The following MSR1 variants were observed in gnomAD, a reference collection of about 807,000 sequenced individuals.
The protein encoded by MSR1 is macrophage scavenger receptor types I and II.
In MSR1, 53 loss-of-function variants were observed where a neutral mutation model predicts 47.2. The ratio of observed to expected loss-of-function variants is 1.12; its 90% confidence interval spans 0.90 to 1.41. MSR1 has a LOEUF of 1.41. Ranked by LOEUF, MSR1 falls within the 40% of genes most tolerant of loss-of-function variation. The pLI is 0.00. For missense variants in MSR1, 786 were observed against 546.9 expected (o/e 1.44, Z -4.36); for synonymous variants, 239 against 185.6 (o/e 1.29, Z -2.34).
intron 8 of MSR1, among the ~76,000 whole-genome samples, chr8:16,134,130 T>A (rs1289734009): frequency 2.0e-5 from 3 of 152,200 alleles, no homozygotes; most frequent in Admixed American, 6.5e-5. Flanking sequence ...AAACTTTTCA[T>A]AAAGTATCGG....
At chr8:16,141,015 G>T in intron 8 of MSR1, 1 of 1,613,686 alleles carries the variant, frequency 6.2e-7, no homozygotes, top group Non-Finnish European at 8.5e-7. Context: ...AGAGGGCCCT[G>T]CCCTAATATG....
At chr8:16,175,540 T>C (rs1412311118) in intron 2 of MSR1, among the ~76,000 whole-genome samples, 1 of 152,220 alleles carries the variant, frequency 6.6e-6, no homozygotes, top group African/African-American at 2.4e-5. Context: ...AGAAAGTTAC[T>C]GTGCTCTACA....
intron 8 of MSR1, chr8:16,140,917 G>C (rs1295650857): frequency 1.6e-5 from 25 of 1,611,114 alleles, no homozygotes; most frequent in Non-Finnish European, 2.0e-5. Context: ...GATCTTGGAA[G>C]TCAGTTGTGC....
intron 9 of MSR1, among the ~76,000 whole-genome samples, chr8:16,116,451 G>A (rs1327124907): frequency 2.0e-5 from 3 of 152,054 alleles, no homozygotes; most frequent in South Asian, 2.1e-4. Flanking sequence ...ACAATGTATA[G>A]AATCACCAAC....
chr8:16,140,495 G>A, intron 8 of MSR1: 2 of 991,116 alleles, frequency 2.0e-6, no homozygotes, highest in Non-Finnish European at 1.2e-6. Context: ...GCAAAGCATG[G>A]CGAGAAATAC....
At chr8:16,138,284 G>T (rs1034785188) in intron 8 of MSR1, among the ~76,000 whole-genome samples, 13 of 152,142 alleles carry the variant, frequency 8.5e-5, no homozygotes, top group Non-Finnish European at 1.5e-4. Context: ...CACAAGTGTT[G>T]TATTGTATGG....
chr8:16,151,498 T>C (rs546531193), intron 6 of MSR1, among the ~76,000 whole-genome samples: 1 of 152,250 alleles, frequency 6.6e-6, no homozygotes, highest in Non-Finnish European at 1.5e-5. Context: ...GTCCCCAAAA[T>C]GTAAGCACAG....
chr8:16,142,245 C>A (rs1800578035), intron 8 of MSR1, among the ~76,000 whole-genome samples: 1 of 152,062 alleles, frequency 6.6e-6, no homozygotes, highest in African/African-American at 2.4e-5. Context: ...GGAGAAGAAT[C>A]ATTTCAACCC....
At chr8:16,169,824 C>G (rs2117186401) in intron 3 of MSR1, among the ~76,000 whole-genome samples, 1 of 151,674 alleles carries the variant, frequency 6.6e-6, no homozygotes, top group African/African-American at 2.4e-5. Flanking sequence ...TTTAGTTTGC[C>G]TCTGTTTTCA....
At chr8:16,158,893 T>C (rs1801084360) in intron 5 of MSR1, among the ~76,000 whole-genome samples, 1 of 151,434 alleles carries the variant, frequency 6.6e-6, no homozygotes. Context: ...ACATAGTGGT[T>C]AGACAAACTC....
intron 7 of MSR1, among the ~76,000 whole-genome samples, chr8:16,146,358 ATCCT>A (rs1192705153): frequency 6.6e-6 from 1 of 151,758 alleles, no homozygotes; most frequent in Non-Finnish European, 1.5e-5. Context: ...TGGTACTCAG[ATCCT>A]TCCTTCAAAG....
chr8:16,162,608 G>A (rs534753086), intron 5 of MSR1, among the ~76,000 whole-genome samples: 7 of 152,138 alleles, frequency 4.6e-5, no homozygotes, highest in African/African-American at 1.4e-4. Context: ...TACGTTGCAA[G>A]GAGGCAATGA....
In MSR1 at chr8:16,120,411, A is replaced by C; in HGVS notation, c.1222+7T>G. 1 of 1,613,524 alleles carries C rather than the reference A, an allele frequency of 6.2e-7. No homozygotes were observed. Among genetic ancestry groups the C allele is most frequent in the South Asian group, 1.1e-5 (1 of 91,058 alleles). On this transcript the variant is annotated splice_region_variant and intron_variant, in intron 9 of 9. Transcript: ENST00000262101. ...CAACAAACCTCACAAGATTTTCTTT[A>C]AATTACCTTGTCCAAAGTGAGCTGC... is the stretch of plus-strand genomic sequence containing the variant.
chr8:16,122,624 C>T (rs1290029017), intron 8 of MSR1, among the ~76,000 whole-genome samples: 5 of 152,072 alleles, frequency 3.3e-5, no homozygotes, highest in Non-Finnish European at 7.4e-5. Flanking sequence ...CTCCCAACAG[C>T]TAATTCTGTT....
intron 9 of MSR1, among the ~76,000 whole-genome samples, chr8:16,119,349 C>G (rs911622512): frequency 6.6e-5 from 10 of 151,908 alleles, no homozygotes; most frequent in African/African-American, 2.4e-4. Context: ...CCTCAGCCTC[C>G]AAAGTAGCTG....
At chr8:16,182,003 G>A (rs1801847301) in intron 1 of MSR1, among the ~76,000 whole-genome samples, 1 of 152,086 alleles carries the variant, frequency 6.6e-6, no homozygotes, top group Non-Finnish European at 1.5e-5. Flanking sequence ...ATGGCTGTGT[G>A]AACATCATAG....
At chr8:16,122,397 A>G (rs537232293) in intron 8 of MSR1, among the ~76,000 whole-genome samples, 2 of 152,300 alleles carry the variant, frequency 1.3e-5, no homozygotes, top group South Asian at 2.1e-4. Flanking sequence ...AGTCAAATAT[A>G]TCCAAACATA....
chr8:16,174,718 G>C (rs1801589368), intron 3 of MSR1, among the ~76,000 whole-genome samples: 1 of 152,082 alleles, frequency 6.6e-6, no homozygotes, highest in Non-Finnish European at 1.5e-5. Context: ...TTTAAAAACT[G>C]ACAGAAATAT....
chr8:16,128,558 T>C (rs1043813322), intron 8 of MSR1, among the ~76,000 whole-genome samples: 84 of 152,254 alleles, frequency 5.5e-4, no homozygotes, highest in African/African-American at 1.7e-3. Context: ...TAAATGTCTA[T>C]AATTTAAGCT....
Sources: allele counts gnomAD v4.1 joint callset (sites outside exome capture counted in the v4.1 genomes callset), GRCh38; gene constraint gnomAD v4.1.1; transcripts MANE v1.5; gene names NCBI Gene and HGNC (gene_info 2026-07-23, HGNC 2026-07-21).